CCBE1: variants seen among roughly 807,000 people sequenced by gnomAD.
CCBE1 encodes collagen and calcium-binding EGF domain-containing protein 1.
In CCBE1, 37 loss-of-function variants were observed where a neutral mutation model predicts 50.0. That is an observed-to-expected ratio of 0.74 (90% CI 0.57 to 0.97). The LOEUF is 0.97. Ranked by LOEUF, CCBE1 falls within the 50% of genes least tolerant of loss-of-function variation. The pLI, the probability that CCBE1 is intolerant of heterozygous loss-of-function variation, is 0.00. For missense variants in CCBE1, 538 were observed against 523.8 expected (o/e 1.03, Z -0.26); for synonymous variants, 234 against 203.7 (o/e 1.15, Z -1.27).
chr18:59,593,019 C>G (rs570950761), intron 2 of CCBE1, among the ~76,000 whole-genome samples: 1 of 152,200 alleles, frequency 6.6e-6, no homozygotes, highest in African/African-American at 2.4e-5. Context: ...GGCAATAAAA[C>G]TATGAAATGC....
chr18:59,501,325 G>A (rs1913611762), intron 2 of CCBE1, among the ~76,000 whole-genome samples: 1 of 152,204 alleles, frequency 6.6e-6, no homozygotes, highest in African/African-American at 2.4e-5. Context: ...TAGAGGGGAA[G>A]CACCAGGCTT....
chr18:59,533,779 G>A (rs1319670117), intron 2 of CCBE1, among the ~76,000 whole-genome samples: 2 of 152,118 alleles, frequency 1.3e-5, no homozygotes, highest in Non-Finnish European at 2.9e-5. Context: ...TATACAGAAA[G>A]ATCATCTTGG....
intron 2 of CCBE1, among the ~76,000 whole-genome samples, chr18:59,599,089 TCTA>T (rs918790493): frequency 2.6e-5 from 4 of 151,810 alleles, no homozygotes; most frequent in African/African-American, 7.2e-5. Context: ...CCTTTCTTCT[TCTA>T]CTACTACTTT....
At chr18:59,515,867 C>T (rs1382751769) in intron 2 of CCBE1, among the ~76,000 whole-genome samples, 2 of 152,194 alleles carry the variant, frequency 1.3e-5, no homozygotes, top group Non-Finnish European at 2.9e-5. Context: ...AGAGGATCTA[C>T]TTTACAGGTT....
chr18:59,619,157 C>A (rs2053678362), intron 2 of CCBE1, among the ~76,000 whole-genome samples: 1 of 152,200 alleles, frequency 6.6e-6, no homozygotes, highest in East Asian at 1.9e-4. Context: ...AAAATGATGC[C>A]ACCATTATAT....
intron 2 of CCBE1, among the ~76,000 whole-genome samples, chr18:59,505,943 A>G (rs1913851706): frequency 6.6e-6 from 1 of 152,238 alleles, no homozygotes; most frequent in African/African-American, 2.4e-5. Context: ...ATATGTGGGC[A>G]GGGTGTTGGG....
intron 2 of CCBE1, among the ~76,000 whole-genome samples, chr18:59,631,148 G>A (rs1178815685): frequency 6.6e-6 from 1 of 151,990 alleles, no homozygotes; most frequent in Non-Finnish European, 1.5e-5. Context: ...TCTCAGCATG[G>A]CAGTTGTTCA....
intron 2 of CCBE1, among the ~76,000 whole-genome samples, chr18:59,588,137 T>C (rs1374353029): frequency 6.6e-6 from 1 of 152,200 alleles, no homozygotes; most frequent in Non-Finnish European, 1.5e-5. Context: ...GGGCCAAGAA[T>C]AGCCAAGATT....
rs1042666465 is a variant in CCBE1, at chr18:59,696,755, G to C, written c.132-46C>G. Reference sequence around the variant, plus strand: ...AATGTTCGATTCTCAGCGGGAGAGCGGAGGCGGGCAGCGCGCGCTGGGGAA... The same window carrying C: ...AATGTTCGATTCTCAGCGGGAGAGCCGAGGCGGGCAGCGCGCGCTGGGGAA... On this transcript the variant is annotated intron_variant, in intron 1 of 10. Coordinates refer to ENST00000439986, the MANE Select transcript of CCBE1 (RefSeq NM_133459.4). 2.5e-6 allele frequency: 4 copies of C among 1,595,176 alleles called. No homozygotes were observed. In the African/African-American group the frequency reaches 5.4e-5, roughly 21 times the overall value.
intron 5 of CCBE1, among the ~76,000 whole-genome samples, chr18:59,455,806 G>A (rs923847825): frequency 2.0e-5 from 3 of 152,318 alleles, no homozygotes; most frequent in African/African-American, 7.2e-5. Flanking sequence ...CTAGGTTGAG[G>A]GTGTTTTGTT....
At chr18:59,612,824 TTGTTTTTTTTTG>T (rs1398037411) in intron 2 of CCBE1, among the ~76,000 whole-genome samples, 3 of 100,896 alleles carry the variant, frequency 3.0e-5, no homozygotes, top group Non-Finnish European at 4.0e-5. Flanking sequence ...GGTTTTTTTT[TTGTTTTTTTTTG>T]TTTTTGTTTT....
At position 59,610,580 on chromosome 18, in the gene CCBE1, A is replaced by C. The variant is rs531139028; in HGVS notation, c.212+86049T>G. The stretch of plus-strand genomic sequence containing the variant: ...CACCAGAATATAATGTGTTTTAAAC[A>C]GATTGTCTGAGTGCTCCTTTTCAGA... On this transcript the variant is annotated intron_variant, in intron 2 of 10. Transcript: ENST00000439986. Among the ~76,000 whole-genome samples the C allele has an allele frequency of 3.2e-4, 48 of 152,346 alleles. No homozygotes were observed. The South Asian group carries it at 1.0e-2, about 32-fold the overall frequency.
chr18:59,611,891 G>T (rs1242033061), intron 2 of CCBE1, among the ~76,000 whole-genome samples: 2 of 152,168 alleles, frequency 1.3e-5, no homozygotes, highest in Non-Finnish European at 2.9e-5. Flanking sequence ...AGAGTCACTG[G>T]GAAAACAGAT....
At chr18:59,548,225 TCAGTGGTCTTTCC>T (rs1447767043) in intron 2 of CCBE1, among the ~76,000 whole-genome samples, 1 of 152,170 alleles carries the variant, frequency 6.6e-6, no homozygotes, top group Non-Finnish European at 1.5e-5. Context: ...TCACTCTCAC[TCAGTGGTCTTTCC>T]TTTAAAAGAA....
intron 6 of CCBE1, among the ~76,000 whole-genome samples, chr18:59,448,566 C>T (rs201051958): frequency 1.7e-4 from 26 of 152,244 alleles, no homozygotes; most frequent in African/African-American, 3.4e-4. Context: ...ACATGGCTGA[C>T]GGTTCCCCAG....
intron 2 of CCBE1, among the ~76,000 whole-genome samples, chr18:59,680,708 A>G (rs1191724992): frequency 6.6e-6 from 1 of 151,952 alleles, no homozygotes; most frequent in Non-Finnish European, 1.5e-5. Flanking sequence ...CAAAAAAAAA[A>G]GAAAAAACAA....
At chr18:59,465,867 G>A (rs987121558) in intron 5 of CCBE1, among the ~76,000 whole-genome samples, 1 of 152,034 alleles carries the variant, frequency 6.6e-6, no homozygotes, top group African/African-American at 2.4e-5. Context: ...ACATATCTAA[G>A]CTCTACTCAT....
At chr18:59,489,062 GAC>G (rs542816521) in intron 2 of CCBE1, among the ~76,000 whole-genome samples, 4 of 152,208 alleles carry the variant, frequency 2.6e-5, no homozygotes, top group Non-Finnish European at 4.4e-5. Flanking sequence ...CCTGCTCAAA[GAC>G]ACAATAATTT....
At chr18:59,474,808 GTTACTGA>G (rs939385462) in intron 3 of CCBE1, among the ~76,000 whole-genome samples, 2 of 152,162 alleles carry the variant, frequency 1.3e-5, no homozygotes, top group African/African-American at 2.4e-5. Context: ...TATTTGTAGT[GTTACTGA>G]TTACTGTTTG....
Sources: allele counts gnomAD v4.1 joint callset (sites outside exome capture counted in the v4.1 genomes callset), GRCh38; gene constraint gnomAD v4.1.1; transcripts MANE v1.5; gene names NCBI Gene and HGNC (gene_info 2026-07-23, HGNC 2026-07-21).